The following PRKD2 variants were observed in gnomAD, a reference collection of about 807,000 sequenced individuals.
The protein encoded by PRKD2 is serine/threonine-protein kinase D2.
PRKD2 carries 22 observed loss-of-function variants against 86.0 expected under a neutral mutation model. The observed-to-expected ratio is 0.26, with a 90% CI of 0.18 to 0.37. PRKD2 has a LOEUF of 0.37. Ranked by LOEUF, PRKD2 falls within the 10% of genes least tolerant of loss-of-function variation. The pLI, the probability that PRKD2 is intolerant of heterozygous loss-of-function variation, is 1.00. For synonymous variants in PRKD2, 509 were observed against 510.9 expected (o/e 1.00, Z 0.05); for missense variants, 818 against 1,199.2 (o/e 0.68, Z 4.70).
intron 1 of PRKD2, chr19:46,714,485 G>GT (rs2053856562): frequency 6.5e-6 from 1 of 153,422 alleles, no homozygotes; most frequent in Non-Finnish European, 1.4e-5. Context: ...AGTGGGGGGG[G>GT]GGGCCGGGGG....
At chr19:46,707,481 T>C (rs1489532675) in intron 3 of PRKD2, among the ~76,000 whole-genome samples, 4 of 151,776 alleles carry the variant, frequency 2.6e-5, no homozygotes, top group Non-Finnish European at 5.9e-5. Context: ...TCCCAGCTAT[T>C]TGGGAGGCTG....
In PRKD2 at chr19:46,716,218, G is replaced by T. The variant is rs200962415; in HGVS notation, c.153C>A (p.Ile51=). 3.2e-5 allele frequency: 51 copies of T among 1,609,996 alleles called. No individual in the cohort carries two copies. The highest frequency in any genetic ancestry group is 4.3e-5 in the Non-Finnish European group (51 of 1,178,772). The part of the protein sequence containing the change: ...PGSGVSFHIQ[I]GLTREFVLLP... The stretch of plus-strand genomic sequence containing the variant: ...ACAGCACGAACTCGCGGGTCAGCCC[G>T]ATCTGGATGTGAAAGGAGACCCCGG... Residue 51 remains isoleucine, a synonymous_variant, in exon 1 of 18, where the codon ATC becomes ATA. Transcript: ENST00000291281. The surrounding 1 kb of genome is among the most constrained non-coding windows in gnomAD (Gnocchi z 7.9).
At position 46,675,124 on chromosome 19, in the gene PRKD2, C is replaced by T. The variant is rs375751525; in HGVS notation, c.2339-6G>A. The T allele has an allele frequency of 2.7e-5, 43 of 1,607,092 alleles. No individual in the cohort carries two copies. The highest frequency in any genetic ancestry group is 3.2e-5 in the Non-Finnish European group (38 of 1,176,034). ...GTTGTTGATGAGGTCAATGGCTGCA[C>T]AGGAAAGAGAAACAGGTCAAGCCCT... On this transcript the variant is annotated splice_polypyrimidine_tract_variant and splice_region_variant and intron_variant, in intron 16 of 17. Transcript: ENST00000291281.
intron 15 of PRKD2, 97 bp downstream of exon 15, chr19:46,681,553 G>A (rs1355188967): frequency 5.8e-6 from 5 of 860,348 alleles, no homozygotes; most frequent in Admixed American, 2.2e-5. Flanking sequence ...ACTGTGCCTC[G>A]CCCCCACATC....
chr19:46,681,354 A>G (rs1314906841), intron 15 of PRKD2, among the ~76,000 whole-genome samples: 9 of 151,452 alleles, frequency 5.9e-5, no homozygotes, highest in African/African-American at 1.9e-4. Context: ...TCCTGGGCTC[A>G]AGCAATCCTC....
intron 8 of PRKD2, 83 bp downstream of exon 8, chr19:46,697,650 C>T: frequency 7.6e-7 from 1 of 1,312,988 alleles, no homozygotes; most frequent in Non-Finnish European, 1.1e-6. Flanking sequence ...CCAGCCCCAC[C>T]CACCTAGCCC....
intron 5 of PRKD2, among the ~76,000 whole-genome samples, chr19:46,701,572 C>A (rs182534065): frequency 1.3e-5 from 2 of 151,702 alleles, no homozygotes; most frequent in Non-Finnish European, 2.9e-5. Context: ...AGGCTGGTTT[C>A]GCGCTCCTGA....
chr19:46,681,864 G>A lies in PRKD2; in HGVS notation c.1972-116C>T, dbSNP rs1342001139. The A allele has an allele frequency of 7.8e-5, 46 of 588,954 alleles. 2 individuals are homozygous for A. Among genetic ancestry groups the A allele is most frequent in the Non-Finnish European group, 5.9e-6 (2 of 336,186 alleles). The allele number at this position is 588,954 out of a possible 1,614,324, so 36.5% of individuals were successfully genotyped here. A position where few individuals can be genotyped will look rare whatever the true frequency, so the allele number is the denominator to read the frequency against. ...CTTTTTTTTTTTTTTTTTTGAGACA[G>A]AGTCTCGCTCTGTAGCCCAGGCTGG... On this transcript the variant is annotated intron_variant, in intron 14 of 17. Coordinates refer to ENST00000291281, the MANE Select transcript of PRKD2 (RefSeq NM_016457.5).
intron 14 of PRKD2, among the ~76,000 whole-genome samples, chr19:46,684,689 G>A (rs2053368180): frequency 6.6e-6 from 1 of 152,132 alleles, no homozygotes; most frequent in Non-Finnish European, 1.5e-5. Flanking sequence ...GTTAGGCCGG[G>A]CACGGTGGCT....
chr19:46,676,316 T>C (rs1041914848), intron 16 of PRKD2, among the ~76,000 whole-genome samples: 2 of 152,094 alleles, frequency 1.3e-5, no homozygotes, highest in African/African-American at 4.8e-5. Flanking sequence ...TAGTCCCAGC[T>C]ACTCAGGAGG....
Position 46,675,099 on chromosome 19 carries a change from G to T in PRKD2, c.2358C>A (p.Asn786Lys). Residue 786 changes from asparagine (N) to lysine (K), a missense_variant, in exon 17 of 18, where the codon AAC (asparagine) becomes AAA (lysine). This residue lies in a region of PRKD2 where 132 missense variants were observed against 146.2 expected (regional missense o/e 0.90). Coordinates refer to ENST00000291281, the MANE Select transcript of PRKD2 (RefSeq NM_016457.5). ...GTTTGCGCATCTTCACCTGCAGCAG[G>T]TTGTTGATGAGGTCAATGGCTGCAC... ...ISAGAIDLIN[N>K]LLQVKMRKRY... The T allele has an allele frequency of 6.2e-7, 1 of 1,611,182 alleles. No homozygotes were observed.
chr19:46,676,195 G>A (rs541294653), intron 16 of PRKD2, among the ~76,000 whole-genome samples: 8 of 152,280 alleles, frequency 5.3e-5, no homozygotes, highest in African/African-American at 1.7e-4. Flanking sequence ...TTGGGAGGCC[G>A]AGGCGGGTGG....
chr19:46,688,052 A>G (rs902356115), intron 14 of PRKD2, among the ~76,000 whole-genome samples: 2 of 146,516 alleles, frequency 1.4e-5, no homozygotes, highest in Non-Finnish European at 3.0e-5. Flanking sequence ...TAGGTTTTCT[A>G]TTTTTTTTTT....
In PRKD2 at chr19:46,716,205, C is replaced by G; in HGVS notation, c.166G>C (p.Glu56Gln). 1 of 1,610,852 alleles carries G rather than the reference C, an allele frequency of 6.2e-7. No individual in the cohort carries two copies. Among genetic ancestry groups the G allele is most frequent in the Non-Finnish European group, 8.5e-7 (1 of 1,179,144 alleles). Residue 56 changes from glutamate (E) to glutamine (Q), a missense_variant, in exon 1 of 18, where the codon GAG (glutamate) becomes CAG (glutamine). This residue lies in a region of PRKD2 where 403 missense variants were observed against 518.6 expected (regional missense o/e 0.78). Transcript: ENST00000291281. This position sits in a 1 kb window ranked among gnomAD's most constrained non-coding sequence, Gnocchi z 7.9. ...SFHIQIGLTR[E>Q]FVLLPAASEL... Reference sequence around the variant, plus strand: ...GAGGCGGCGGGCAACAGCACGAACTCGCGGGTCAGCCCGATCTGGATGTGA... The same window carrying G: ...GAGGCGGCGGGCAACAGCACGAACTGGCGGGTCAGCCCGATCTGGATGTGA...
At position 46,674,551 on chromosome 19, in the gene PRKD2, C is replaced by T. The variant is rs2053165977; in HGVS notation, c.2609G>A (p.Gly870Glu). The T allele has an allele frequency of 1.9e-6, 3 of 1,613,050 alleles. No individual in the cohort carries two copies. Among genetic ancestry groups the T allele is most frequent in the South Asian group, 1.1e-5 (1 of 91,024 alleles). Residue 870 changes from glycine to glutamate, a missense_variant, in exon 18 of 18, where the codon GGG becomes GAG. Gly to Glu is a moderately conservative substitution (Grantham distance 98, BLOSUM62 -2). This residue lies in a region of PRKD2 where 132 missense variants were observed against 146.2 expected (regional missense o/e 0.90). Coordinates refer to ENST00000291281, the MANE Select transcript of PRKD2 (RefSeq NM_016457.5). ...GAGAACACTGATGCGCTCCGCCAGC[C>T]CCTGCATGTCGTGGTCCTGTGGTGG... is the stretch of plus-strand genomic sequence containing the variant. ...ACPPQDHDMQ[G>E]LAERISVL is the part of the protein sequence containing the mutation.
Position 46,676,980 on chromosome 19 carries a change from G to C in PRKD2, c.2338+1416C>G, listed in dbSNP as rs1434498174. On this transcript the variant is annotated intron_variant, in intron 16 of 17. Transcript: ENST00000291281. ...GGAGGCTGAGGCAGGAGAATCCCTT[G>C]AACCCAAGAGGTGGAGGTTGCAGTG... Among the ~76,000 whole-genome samples, 3 of 149,736 alleles carry C rather than the reference G, an allele frequency of 2.0e-5. No individual in the cohort carries two copies. In the East Asian group the frequency reaches 5.9e-4, roughly 30 times the overall value.
intron 14 of PRKD2, among the ~76,000 whole-genome samples, chr19:46,687,391 C>T (rs2053416336): frequency 7.6e-6 from 1 of 131,416 alleles, no homozygotes; most frequent in African/African-American, 2.9e-5. Context: ...GACCCTGTCT[C>T]AAAAAAACAA....
At chr19:46,714,490 C>CGGGGGGGGGGGGGGGGGGGGG (rs1254751346) in intron 1 of PRKD2, 1 of 43,542 alleles carries the variant, frequency 2.3e-5, no homozygotes, top group Admixed American at 2.3e-4. Context: ...GGGGGGGGGC[C>CGGGGGGGGGGGGGGGGGGGGG]GGGGGACTTG....
chr19:46,714,614 C>G (rs1277665477), intron 1 of PRKD2: 1 of 152,182 alleles, frequency 6.6e-6, no homozygotes, highest in Non-Finnish European at 1.5e-5. Context: ...CCTAGTAGAA[C>G]AGAAAGTGAA....
Sources: allele counts gnomAD v4.1 joint callset (sites outside exome capture counted in the v4.1 genomes callset), GRCh38; gene constraint gnomAD v4.1.1; regional missense constraint gnomAD v4.1.1; non-coding constraint Gnocchi (gnomAD v3.1); transcripts MANE v1.5; gene names NCBI Gene and HGNC (gene_info 2026-07-23, HGNC 2026-07-21).